ZC3H11A: variants seen among roughly 807,000 people sequenced by gnomAD.
The protein encoded by ZC3H11A is zinc finger CCCH domain-containing protein 11A.
In ZC3H11A, 22 loss-of-function variants were observed where a neutral mutation model predicts 90.8. That is an observed-to-expected ratio of 0.24 (90% CI 0.17 to 0.35). The LOEUF is 0.35. ZC3H11A is among the 10% of genes least tolerant of loss of function. The pLI is 1.00. For missense variants in ZC3H11A, 701 were observed against 964.9 expected, an observed-to-expected ratio of 0.73 and a Z score of 3.62; for synonymous variants, 294 against 339.8, an observed-to-expected ratio of 0.87 and a Z score of 1.48.
intron 2 of ZC3H11A, among the ~76,000 whole-genome samples, chr1:203,816,465 A>AT (rs1421016292): frequency 1.3e-5 from 2 of 152,010 alleles, no homozygotes; most frequent in African/African-American, 4.8e-5. Flanking sequence ...CTTTACAAAA[A>AT]TTTTTTTTAA....
chr1:203,801,256 C>T (rs1272786739), intron 1 of ZC3H11A: 2 of 152,114 alleles, frequency 1.3e-5, no homozygotes, highest in Non-Finnish European at 2.9e-5. Flanking sequence ...ACCCAGTAGA[C>T]ATTTCCCAAA....
chr1:203,811,674 A>G (rs974811586), intron 2 of ZC3H11A, among the ~76,000 whole-genome samples: 3 of 152,070 alleles, frequency 2.0e-5, no homozygotes, highest in Non-Finnish European at 4.4e-5. Context: ...ACGCCTGGCT[A>G]ATTTTTTGTA....
Position 203,850,631 on chromosome 1 carries a change from C to G in ZC3H11A, c.2056C>G (p.Leu686Val), listed in dbSNP as rs146441359. ...TGCTGTCATTGCCGCTGTGAAGCCACTCAGCTCCAGCAGTGTCCTACAGGA... is the reference window on the plus strand; with the variant it reads ...TGCTGTCATTGCCGCTGTGAAGCCAGTCAGCTCCAGCAGTGTCCTACAGGA... ...HAAVIAAVKP[L>V]SSSSVLQEPP... The change falls in exon 16 of 18, where the codon CTC becomes GTC. Residue 686 changes from leucine to valine, a missense_variant. Leu to Val is a conservative substitution (Grantham distance 32, BLOSUM62 1). This residue lies in a region of ZC3H11A where 530 missense variants were observed against 696.2 expected (regional missense o/e 0.76). Coordinates refer to ENST00000367210, the MANE Select transcript of ZC3H11A (RefSeq NM_001376342.1). 2 of 1,614,040 alleles carry G rather than the reference C, an allele frequency of 1.2e-6. No homozygotes were observed. Among genetic ancestry groups the G allele is most frequent in the African/African-American group, 2.7e-5 (2 of 74,924 alleles).
At chr1:203,819,529 A>ATTTTTTTTTTTTTTTTTTTTTT (rs755259647) in intron 4 of ZC3H11A, among the ~76,000 whole-genome samples, 1 of 72,890 alleles carries the variant, frequency 1.4e-5, no homozygotes, top group Non-Finnish European at 2.6e-5. Flanking sequence ...GCTGACTCCA[A>ATTTTTTTTTTTTTTTTTTTTTT]TTTTTTTTTT....
chr1:203,844,114 C>G (rs1184362969), intron 12 of ZC3H11A, among the ~76,000 whole-genome samples: 1 of 152,146 alleles, frequency 6.6e-6, no homozygotes, highest in African/African-American at 2.4e-5. Flanking sequence ...ACTTTGGCCT[C>G]CCAAAGTGCT....
intron 11 of ZC3H11A, among the ~76,000 whole-genome samples, chr1:203,839,722 A>C (rs779854529): frequency 1.4e-4 from 22 of 152,216 alleles, no homozygotes; most frequent in Non-Finnish European, 3.1e-4. Flanking sequence ...AGGTTTTAGA[A>C]GGCTCTACAA....
At position 203,799,984 on chromosome 1, in the gene ZC3H11A, C is replaced by T. The variant is rs867389495; in HGVS notation, c.-1587-1591C>T. 6.5e-6 allele frequency: 10 copies of T among 1,536,128 alleles called. No individual in the cohort carries two copies. The African/African-American group carries it at 8.2e-5, about 13-fold the overall frequency. ...CCAACTTCAGAAGCTTCTTGTCCCT[C>T]AGTTACAGTGGGAGCTGATTCATTT... is the stretch of plus-strand genomic sequence containing the variant. On this transcript the variant is annotated intron_variant, in intron 1 of 17. Transcript: ENST00000367210.
intron 2 of ZC3H11A, among the ~76,000 whole-genome samples, chr1:203,803,790 A>G (rs1671257596): frequency 6.6e-6 from 1 of 152,094 alleles, no homozygotes; most frequent in Non-Finnish European, 1.5e-5. Flanking sequence ...AACCTTTTGT[A>G]GAGATGGAGT....
intron 4 of ZC3H11A, among the ~76,000 whole-genome samples, chr1:203,823,914 G>A (rs183327404): frequency 2.8e-4 from 43 of 152,148 alleles, no homozygotes; most frequent in South Asian, 1.7e-3. Context: ...TTATTGATAC[G>A]GAAATAATCA....
chr1:203,806,858 T>G (rs1173457782), intron 2 of ZC3H11A, among the ~76,000 whole-genome samples: 2 of 146,344 alleles, frequency 1.4e-5, no homozygotes, highest in Non-Finnish European at 3.0e-5. Flanking sequence ...GCTATTTTAC[T>G]TGATAAAGAC....
At position 203,847,259 on chromosome 1, in the gene ZC3H11A, G is replaced by C; in HGVS notation, c.1118G>C (p.Arg373Pro). 6.2e-7 allele frequency: 1 copy of C among 1,613,858 alleles called. No individual in the cohort carries two copies. The highest frequency in any genetic ancestry group is 2.2e-5 in the East Asian group (1 of 44,878). Residue 373 changes from arginine (R) to proline (P), a missense_variant, in exon 13 of 18, where the codon CGT becomes CCT. This residue lies in a region of ZC3H11A where 530 missense variants were observed against 696.2 expected (regional missense o/e 0.76). Coordinates refer to ENST00000367210, the MANE Select transcript of ZC3H11A (RefSeq NM_001376342.1). ...EILLERASQK[R>P]GELQTKLKTE... ...CTTCTTGAAAGAGCCAGTCAGAAAC[G>C]TGGAGAATTGCAAACTAAACTCAAG...
chr1:203,800,345 G>C (rs145114023), intron 1 of ZC3H11A: 9 of 898,154 alleles, frequency 1.0e-5, no homozygotes, highest in Non-Finnish European at 1.4e-5. Context: ...TAGAACAACT[G>C]ATGTTTCTGA....
chr1:203,804,187 T>C (rs1671425753), intron 2 of ZC3H11A, among the ~76,000 whole-genome samples: 1 of 150,070 alleles, frequency 6.7e-6, no homozygotes, highest in Non-Finnish European at 1.5e-5. Flanking sequence ...AGTCTCGCTC[T>C]GTCGCCCAGG....
intron 2 of ZC3H11A, chr1:203,806,249 G>T: frequency 2.9e-6 from 1 of 344,392 alleles, no homozygotes; most frequent in Non-Finnish European, 5.6e-6. Context: ...TCACTTTCCT[G>T]AAGAATCAGT....
intron 11 of ZC3H11A, 119 bp from the exon 12 acceptor site, chr1:203,840,187 C>T (rs1303516341): frequency 1.2e-5 from 11 of 908,864 alleles, no homozygotes; most frequent in Non-Finnish European, 1.9e-5. Flanking sequence ...GATCAGCCTG[C>T]CTTGGCCTCC....
At chr1:203,796,584 A>T in intron 1 of ZC3H11A, 1 of 397,688 alleles carries the variant, frequency 2.5e-6, no homozygotes, top group South Asian at 1.3e-4. Context: ...GGAACTAGAG[A>T]TAGCGATGCT....
chr1:203,802,185 C>A lies in ZC3H11A; in HGVS notation c.-977C>A, dbSNP rs1670721324. 6.6e-6 allele frequency: 1 copy of A among 152,562 alleles called. No homozygotes were observed. Among genetic ancestry groups the A allele is most frequent in the African/African-American group, 2.4e-5 (1 of 41,442 alleles). The allele number at this position is 152,562 out of a possible 1,614,324, so 9.5% of individuals were successfully genotyped here. On this transcript the variant is annotated 5_prime_UTR_variant, in exon 2 of 18. Transcript: ENST00000367210. ...CGTTTCTATCTTTTTTGGTTAAACA[C>A]TCCCTGATGACGATGATGGATATAT...
intron 1 of ZC3H11A, chr1:203,796,783 A>C (rs1668658726): frequency 4.2e-6 from 1 of 240,352 alleles, no homozygotes; most frequent in Non-Finnish European, 7.9e-6. Context: ...TCTTAATACA[A>C]ACAGTACTTT....
At chr1:203,825,784 T>C (rs1164446332) in intron 4 of ZC3H11A, among the ~76,000 whole-genome samples, 1 of 152,096 alleles carries the variant, frequency 6.6e-6, no homozygotes, top group Non-Finnish European at 1.5e-5. Context: ...TTCTTTTTAG[T>C]ATGCATATAG....
Sources: allele counts gnomAD v4.1 joint callset (sites outside exome capture counted in the v4.1 genomes callset), GRCh38; gene constraint gnomAD v4.1.1; regional missense constraint gnomAD v4.1.1; transcripts MANE v1.5; gene names NCBI Gene and HGNC (gene_info 2026-07-23, HGNC 2026-07-21).